UNC5D: variants seen among roughly 807,000 people sequenced by gnomAD.
UNC5D encodes netrin receptor UNC5D.
A neutral mutation model predicts 105.4 loss-of-function variants in UNC5D; 39 were observed. That is an observed-to-expected ratio of 0.37 (90% confidence interval 0.29 to 0.48). The LOEUF (loss-of-function observed/expected upper bound fraction) is 0.48, where lower values mean the gene tolerates loss of function less well. Among genes scored for constraint, UNC5D ranks in the 20% least tolerant of loss-of-function variants. The probability of loss-of-function intolerance (pLI) is 0.98; values close to 1 mark genes in which losing one functional copy is unlikely to be tolerated. For missense variants in UNC5D, 991 were observed against 1,202.4 expected (o/e 0.82, Z 2.60); for synonymous variants, 452 against 450.4 (o/e 1.00, Z -0.04).
chr8:35,275,076 G>A (rs1477770184), intron 1 of UNC5D, among the ~76,000 whole-genome samples: 1 of 151,476 alleles, frequency 6.6e-6, no homozygotes, highest in Non-Finnish European at 1.5e-5. Context: ...GGGTGACAGA[G>A]CAAGACAACG....
chr8:35,641,727 G>T (rs1018436548), intron 4 of UNC5D, among the ~76,000 whole-genome samples: 1 of 152,074 alleles, frequency 6.6e-6, no homozygotes, highest in Non-Finnish European at 1.5e-5. Flanking sequence ...CAAAAATACG[G>T]CTTTTTCAAA....
chr8:35,558,996 A>G (rs984966300), intron 2 of UNC5D, among the ~76,000 whole-genome samples: 1 of 152,098 alleles, frequency 6.6e-6, no homozygotes, highest in African/African-American at 2.4e-5. Flanking sequence ...GGAAAAAAAA[A>G]AAGTCTGTTG....
intron 1 of UNC5D, among the ~76,000 whole-genome samples, chr8:35,433,760 A>C (rs1195619940): frequency 6.6e-6 from 1 of 151,626 alleles, no homozygotes; most frequent in Non-Finnish European, 1.5e-5. Context: ...GAGGCAGGAG[A>C]ATTGCTTGAA....
At chr8:35,403,415 T>C (rs993462067) in intron 1 of UNC5D, among the ~76,000 whole-genome samples, 14 of 152,214 alleles carry the variant, frequency 9.2e-5, no homozygotes, top group African/African-American at 3.1e-4. Flanking sequence ...ATGCATAGAC[T>C]GTGAGTAAGA....
At chr8:35,375,167 G>T (rs1802629285) in intron 1 of UNC5D, among the ~76,000 whole-genome samples, 1 of 152,130 alleles carries the variant, frequency 6.6e-6, no homozygotes, top group Non-Finnish European at 1.5e-5. Context: ...TTACATGTAG[G>T]TTCATTCCAT....
chr8:35,327,161 C>T (rs540963077), intron 1 of UNC5D, among the ~76,000 whole-genome samples: 9 of 152,278 alleles, frequency 5.9e-5, no homozygotes, highest in Non-Finnish European at 1.3e-4. Flanking sequence ...TAGATGCCCA[C>T]TGAGTTCTGC....
chr8:35,302,846 C>T (rs1049321592), intron 1 of UNC5D, among the ~76,000 whole-genome samples: 2 of 152,064 alleles, frequency 1.3e-5, no homozygotes, highest in African/African-American at 2.4e-5. Flanking sequence ...TATATGTATA[C>T]ATTTTAATGT....
intron 1 of UNC5D, among the ~76,000 whole-genome samples, chr8:35,518,545 T>C (rs1221121518): frequency 6.6e-6 from 1 of 152,196 alleles, no homozygotes. Context: ...TATTCTATTC[T>C]GCAAATATGT....
chr8:35,265,205 T>G (rs3044051), intron 1 of UNC5D, among the ~76,000 whole-genome samples: 50,136 of 151,736 alleles, frequency 0.33, 10,003 homozygotes, highest in Non-Finnish European at 0.43. Context: ...GACTGTGACC[T>G]TATCATAGTC....
intron 1 of UNC5D, among the ~76,000 whole-genome samples, chr8:35,328,215 A>G (rs1810322219): frequency 1.1e-5 from 1 of 88,234 alleles, no homozygotes; most frequent in Admixed American, 1.5e-4. Context: ...TTTAACAAAG[A>G]TTTACTTTAT....
intron 1 of UNC5D, among the ~76,000 whole-genome samples, chr8:35,244,287 A>G (rs1802959318): frequency 6.6e-6 from 1 of 152,188 alleles, no homozygotes; most frequent in Non-Finnish European, 1.5e-5. Context: ...GGCCTTTTCG[A>G]TGATGTTACC....
intron 4 of UNC5D, among the ~76,000 whole-genome samples, chr8:35,681,981 GGC>G (rs1179938363): frequency 1.3e-5 from 2 of 151,496 alleles, no homozygotes; most frequent in African/African-American, 4.9e-5. Context: ...TGGGGGGAGG[GGC>G]GGACGGAGTC....
rs547530901 is a variant in UNC5D at position 35,318,819 on chromosome 8, C to A, written c.103+82932C>A. On this transcript the variant is annotated intron_variant, in intron 1 of 16. Transcript: ENST00000404895. ...TAAGAATACAGATTTTGACCAGAGA[C>A]CTTTGATAATGAGGCAAAAAATATG... 4.6e-5 allele frequency among the ~76,000 whole-genome samples: 7 copies of A among 152,110 alleles called. No homozygotes were observed. The East Asian group carries it at 1.4e-3, about 29-fold the overall frequency.
intron 4 of UNC5D, among the ~76,000 whole-genome samples, chr8:35,666,590 T>C (rs939729567): frequency 1.3e-5 from 2 of 151,994 alleles, no homozygotes; most frequent in African/African-American, 2.4e-5. Context: ...ATAAACTGGA[T>C]AGAAACAAAT....
chr8:35,502,622 G>A (rs1331642053), intron 1 of UNC5D, among the ~76,000 whole-genome samples: 9 of 151,936 alleles, frequency 5.9e-5, no homozygotes, highest in South Asian at 2.1e-4. Context: ...GCAGTGGTGC[G>A]ATCTTGGCTC....
At chr8:35,490,389 C>T (rs1811132107) in intron 1 of UNC5D, among the ~76,000 whole-genome samples, 1 of 152,018 alleles carries the variant, frequency 6.6e-6, no homozygotes, top group South Asian at 2.1e-4. Flanking sequence ...TAAAAATTAG[C>T]CAGATGTACT....
At chr8:35,450,683 G>A (rs1420760061) in intron 1 of UNC5D, among the ~76,000 whole-genome samples, 2 of 152,102 alleles carry the variant, frequency 1.3e-5, no homozygotes, top group Non-Finnish European at 2.9e-5. Flanking sequence ...ACTACAGATT[G>A]TCTCTGAATT....
chr8:35,289,598 G>A (rs371171360), intron 1 of UNC5D, among the ~76,000 whole-genome samples: 5 of 152,208 alleles, frequency 3.3e-5, no homozygotes, highest in South Asian at 2.1e-4. Flanking sequence ...TCACACATTA[G>A]GCCACAAAAC....
At chr8:35,260,368 A>G (rs1804399066) in intron 1 of UNC5D, among the ~76,000 whole-genome samples, 1 of 152,202 alleles carries the variant, frequency 6.6e-6, no homozygotes, top group Non-Finnish European at 1.5e-5. Flanking sequence ...CTCAGGCTTC[A>G]TTGGCAATGC....
Sources: allele counts gnomAD v4.1 joint callset (sites outside exome capture counted in the v4.1 genomes callset), GRCh38; gene constraint gnomAD v4.1.1; transcripts MANE v1.5; gene names NCBI Gene and HGNC (gene_info 2026-07-23, HGNC 2026-07-21).